The following SLC28A1 variants were observed in gnomAD, a reference collection of about 807,000 sequenced individuals.
SLC28A1 encodes the protein sodium/nucleoside cotransporter 1.
A neutral mutation model predicts 74.8 loss-of-function variants in SLC28A1; 64 were observed. The observed-to-expected ratio is 0.86, with a 90% CI of 0.70 to 1.05. The LOEUF (loss-of-function observed/expected upper bound fraction) is 1.05. SLC28A1 is among the 50% of genes least tolerant of loss of function. The probability of loss-of-function intolerance (pLI) is 0.00; values close to 1 mark genes in which losing one functional copy is unlikely to be tolerated. For missense variants in SLC28A1, 828 were observed against 822.8 expected (o/e 1.01, Z -0.08); for synonymous variants, 359 against 335.0 (o/e 1.07, Z -0.78).
At position 84,910,503 on chromosome 15, in the gene SLC28A1, C is replaced by T. The variant is rs553651681; in HGVS notation, c.795+1708C>T. Among the ~76,000 whole-genome samples the T allele has an allele frequency of 4.2e-3, 636 of 152,074 alleles. 4 individuals are homozygous for T. Among genetic ancestry groups the T allele is most frequent in the African/African-American group, 0.011 (452 of 41,486 alleles). ...TAGCACTTTGGGAGGCTGAGGCAGG[C>T]GGATCACTTGAGGTTGGGAGTTTGA... is the stretch of plus-strand genomic sequence containing the variant. On this transcript the variant is annotated intron_variant, in intron 9 of 18. Coordinates refer to ENST00000394573, the MANE Select transcript of SLC28A1 (RefSeq NM_004213.5).
At chr15:84,927,081 T>C (rs1026425586) in intron 12 of SLC28A1, among the ~76,000 whole-genome samples, 3 of 152,128 alleles carry the variant, frequency 2.0e-5, no homozygotes, top group Non-Finnish European at 2.9e-5. Context: ...TCTGGCCTGG[T>C]ACCCTCCCAT....
the SLC28A1 span, chr15:84,961,400 T>C: frequency 1.0e-5 from 4 of 399,610 alleles, no homozygotes; most frequent in African/African-American, 2.1e-5. Context: ...GATATAATCA[T>C]GGCTCACTGT....
At chr15:84,974,942 A>T in the SLC28A1 span, among the ~76,000 whole-genome samples, 22 of 152,146 alleles carry the variant, frequency 1.4e-4, no homozygotes, top group Non-Finnish European at 2.8e-4. Flanking sequence ...CTCAGCCATT[A>T]ACATGGTACA....
At chr15:84,946,660 G>A (rs919783180), downstream of SLC28A1, among the ~76,000 whole-genome samples, 7 of 152,068 alleles carry the variant, frequency 4.6e-5, no homozygotes, top group Non-Finnish European at 2.9e-5. Flanking sequence ...CTGCGATGTG[G>A]GGCCTCTCTG....
At chr15:84,900,375 C>T (rs1966534692) in intron 6 of SLC28A1, among the ~76,000 whole-genome samples, 1 of 135,794 alleles carries the variant, frequency 7.4e-6, no homozygotes, top group South Asian at 2.2e-4. Flanking sequence ...GCACTTCAGC[C>T]TGGGAGACAG....
chr15:84,973,867 C>T, the SLC28A1 span, among the ~76,000 whole-genome samples: 1 of 152,190 alleles, frequency 6.6e-6, no homozygotes, highest in African/African-American at 2.4e-5. Flanking sequence ...CTAGGCCCAG[C>T]CTACTGCCTT....
At chr15:84,905,038 C>G (rs1966888672) in intron 7 of SLC28A1, among the ~76,000 whole-genome samples, 1 of 152,238 alleles carries the variant, frequency 6.6e-6, no homozygotes, top group African/African-American at 2.4e-5. Flanking sequence ...CAAGGAACAG[C>G]AACCTGAGGA....
At chr15:84,927,654 T>C (rs1441280979) in intron 12 of SLC28A1, among the ~76,000 whole-genome samples, 2 of 152,174 alleles carry the variant, frequency 1.3e-5, no homozygotes, top group African/African-American at 4.8e-5. Context: ...TTAGGCTTTA[T>C]GGCTGGCTTT....
the SLC28A1 span, among the ~76,000 whole-genome samples, chr15:84,965,073 A>G: frequency 6.6e-6 from 1 of 152,176 alleles, no homozygotes; most frequent in African/African-American, 2.4e-5. Context: ...TATAGTTCCC[A>G]TAACCCCACG....
Position 84,920,703 on chromosome 15 carries a change from G to GTGTGTGTGTGT in SLC28A1, c.877-286_877-285insTGTGTGTGTGT, listed in dbSNP as rs113735505. Among the ~76,000 whole-genome samples, 608 of 137,390 alleles carry GTGTGTGTGTGT rather than the reference G, an allele frequency of 4.4e-3. 7 individuals are homozygous for GTGTGTGTGTGT. The highest frequency in any genetic ancestry group is 0.014 in the African/African-American group (573 of 39,524). The allele number at this position is 137,390 out of a possible 152,430, so 90.1% of individuals were successfully genotyped here. A position where few individuals can be genotyped will look rare whatever the true frequency, so the allele number is the denominator to read the frequency against. ...TAATGTGTATTGGTAATCTCCAAGGGGTGTGTGTGTGTGTGTGTGTGCATT... is the reference window on the plus strand; with the variant it reads ...TAATGTGTATTGGTAATCTCCAAGGGTGTGTGTGTGTGTGTGTGTGTGTGTGTGTGTGCATT... On this transcript the variant is annotated intron_variant, in intron 10 of 18. Coordinates refer to ENST00000394573, the MANE Select transcript of SLC28A1 (RefSeq NM_004213.5).
At chr15:84,888,903 G>C (rs1440994750) in intron 4 of SLC28A1, 43 bp downstream of exon 4, 2 of 1,410,716 alleles carry the variant, frequency 1.4e-6, no homozygotes, top group Non-Finnish European at 2.0e-6. Flanking sequence ...TGGGGTGGAG[G>C]CTGCTTGGGA....
At chr15:84,943,648 G>A in intron 16 of SLC28A1, 122 bp downstream of exon 16, 1 of 786,574 alleles carries the variant, frequency 1.3e-6, no homozygotes, top group Non-Finnish European at 2.2e-6. Flanking sequence ...GGCCATAGAG[G>A]CCAGGTGTGG....
At chr15:84,951,943 G>A in the SLC28A1 span, among the ~76,000 whole-genome samples, 3 of 152,200 alleles carry the variant, frequency 2.0e-5, no homozygotes, top group Non-Finnish European at 1.5e-5. Flanking sequence ...AAGGCAAGGC[G>A]AGGCAAGGGA....
chr15:84,905,488 T>C (rs1432379664), intron 7 of SLC28A1, 51 bp from the exon 8 acceptor site: 1 of 1,319,060 alleles, frequency 7.6e-7, no homozygotes, highest in African/African-American at 1.4e-5. Context: ...CCCGGCTCCC[T>C]GCCCATCCCT....
chr15:84,958,132 AT>A, the SLC28A1 span, among the ~76,000 whole-genome samples: 2 of 152,094 alleles, frequency 1.3e-5, no homozygotes, highest in African/African-American at 4.8e-5. Context: ...AATATACTTG[AT>A]TTTTGTATAT....
chr15:84,886,965 C>T (rs139211015), intron 2 of SLC28A1, among the ~76,000 whole-genome samples, 178 bp downstream of exon 2: 3 of 152,220 alleles, frequency 2.0e-5, no homozygotes, highest in Non-Finnish European at 4.4e-5. Flanking sequence ...GAAAAAGGAG[C>T]GGGAACAAGA....
the SLC28A1 span, among the ~76,000 whole-genome samples, chr15:84,974,994 T>C: frequency 2.0e-5 from 3 of 151,968 alleles, no homozygotes; most frequent in Non-Finnish European, 4.4e-5. Context: ...TCTCACTACC[T>C]CCCCTTAGAC....
At chr15:84,935,629 A>C in intron 15 of SLC28A1, 111 bp downstream of exon 15, 1 of 902,838 alleles carries the variant, frequency 1.1e-6, no homozygotes, top group Admixed American at 1.9e-5. Context: ...GACACACTGA[A>C]GTGGTGCTTC....
chr15:84,963,062 G>T, the SLC28A1 span, among the ~76,000 whole-genome samples: 5,911 of 152,268 alleles, frequency 0.039, 335 homozygotes, highest in African/African-American at 0.13. Flanking sequence ...TAAGACCCTG[G>T]GACCTTGGCA....
Sources: allele counts gnomAD v4.1 joint callset (sites outside exome capture counted in the v4.1 genomes callset), GRCh38; gene constraint gnomAD v4.1.1; transcripts MANE v1.5; gene names NCBI Gene and HGNC (gene_info 2026-07-23, HGNC 2026-07-21).